CCDC85A: variants seen among roughly 807,000 people sequenced by gnomAD.
CCDC85A encodes the protein coiled-coil domain-containing protein 85A.
In CCDC85A, 38 loss-of-function variants were observed where a neutral mutation model predicts 50.2. That is an observed-to-expected ratio of 0.76 (90% CI 0.58 to 0.99). The LOEUF (loss-of-function observed/expected upper bound fraction) is 0.99. CCDC85A is among the 50% of genes least tolerant of loss of function. CCDC85A has a pLI of 0.00. For synonymous variants in CCDC85A, 366 were observed against 301.4 expected (o/e 1.21, Z -2.22); for missense variants, 820 against 742.0 (o/e 1.11, Z -1.22).
intron 2 of CCDC85A, among the ~76,000 whole-genome samples, chr2:56,204,925 C>CTA (rs1371407529): frequency 6.6e-6 from 1 of 152,164 alleles, no homozygotes; most frequent in African/African-American, 2.4e-5. Flanking sequence ...GCTAAACAGG[C>CTA]TATAGTAGAG....
intron 2 of CCDC85A, among the ~76,000 whole-genome samples, chr2:56,194,826 C>T (rs1052207348): frequency 6.6e-6 from 1 of 152,180 alleles, no homozygotes; most frequent in African/African-American, 2.4e-5. Flanking sequence ...GTTGAACCTT[C>T]ACTCACTCTT....
chr2:56,206,403 A>G (rs1161287229), intron 2 of CCDC85A, among the ~76,000 whole-genome samples: 2 of 152,104 alleles, frequency 1.3e-5, no homozygotes, highest in African/African-American at 4.8e-5. Flanking sequence ...CACAGACTGG[A>G]TAATTAATAA....
Position 56,384,251 on chromosome 2 carries a change from C to G in CCDC85A, c.1573-15C>G, listed in dbSNP as rs1676727266. 2 of 1,217,718 alleles carry G rather than the reference C, an allele frequency of 1.6e-6. No homozygotes were observed. Among genetic ancestry groups the G allele is most frequent in the Middle Eastern group, 2.0e-4 (1 of 4,940 alleles). The allele number at this position is 1,217,718 out of a possible 1,614,324, so 75.4% of individuals were successfully genotyped here. A position where few individuals can be genotyped will look rare whatever the true frequency, so the allele number is the denominator to read the frequency against. On this transcript the variant is annotated splice_polypyrimidine_tract_variant and intron_variant, in intron 5 of 5. Coordinates refer to ENST00000407595, the MANE Select transcript of CCDC85A (RefSeq NM_001080433.2). ...AGGAAAAGTAAGATACTCACTCCTT[C>G]TTTTTTTTTTTAAGGTTGTGTGGAG...
rs1675903413 is a variant in CCDC85A at position 56,184,463 on chromosome 2, AC to A, written c.-159del. The A allele has an allele frequency of 1.3e-5, 10 of 762,982 alleles. No homozygotes were observed. The highest frequency in any genetic ancestry group is 1.6e-5 in the Non-Finnish European group (9 of 568,790). 47.3% of individuals were successfully genotyped at this position (762,982 alleles called of 1,614,324 possible). On this transcript the variant is annotated 5_prime_UTR_variant, in exon 1 of 6. The change abolishes the stop of an existing upstream ORF in the 5' untranslated region. Transcript: ENST00000407595. ...GCGGGGATGGCGAGGTAGGATGGCC[AC>A]CCAGCGCGACCCCCGCCGCCCCAAC...
chr2:56,347,201 C>T (rs999048971), intron 3 of CCDC85A, among the ~76,000 whole-genome samples: 1 of 152,180 alleles, frequency 6.6e-6, no homozygotes, highest in African/African-American at 2.4e-5. Context: ...TTATGTGTCA[C>T]ATAGGACAAC....
intron 2 of CCDC85A, among the ~76,000 whole-genome samples, chr2:56,208,318 A>T (rs1233952180): frequency 6.6e-6 from 1 of 152,172 alleles, no homozygotes; most frequent in East Asian, 1.9e-4. Flanking sequence ...TTTTATCCAT[A>T]CAATGAAGTT....
intron 4 of CCDC85A, among the ~76,000 whole-genome samples, chr2:56,372,782 C>G (rs1030521081): frequency 1.3e-5 from 2 of 152,172 alleles, no homozygotes; most frequent in African/African-American, 4.8e-5. Context: ...AATCATGTCT[C>G]TAGACAAGCT....
chr2:56,298,091 G>A (rs1672037295), intron 2 of CCDC85A, among the ~76,000 whole-genome samples: 1 of 152,174 alleles, frequency 6.6e-6, no homozygotes, highest in South Asian at 2.1e-4. Context: ...AACCTCCTGG[G>A]GTTGATGTTA....
intron 4 of CCDC85A, among the ~76,000 whole-genome samples, chr2:56,373,231 A>G (rs2104392978): frequency 6.6e-6 from 1 of 152,244 alleles, no homozygotes; most frequent in Middle Eastern, 3.4e-3. Flanking sequence ...ATAAGCCTTG[A>G]TCTTTCTGGT....
intron 2 of CCDC85A, among the ~76,000 whole-genome samples, chr2:56,203,707 T>C (rs1676840164): frequency 6.6e-6 from 1 of 152,188 alleles, no homozygotes; most frequent in Non-Finnish European, 1.5e-5. Context: ...GTTAAGGTAA[T>C]ATGTGGTTAC....
At chr2:56,272,952 A>G (rs1670762148) in intron 2 of CCDC85A, among the ~76,000 whole-genome samples, 1 of 152,128 alleles carries the variant, frequency 6.6e-6, no homozygotes, top group African/African-American at 2.4e-5. Flanking sequence ...AAAGAAAAAG[A>G]GAGAGGAAGT....
chr2:56,228,673 C>T (rs1156272283), intron 2 of CCDC85A, among the ~76,000 whole-genome samples: 3 of 152,100 alleles, frequency 2.0e-5, no homozygotes, highest in African/African-American at 7.2e-5. Flanking sequence ...GCTGGGACTA[C>T]AGGGGCCCAC....
chr2:56,339,256 C>A (rs1363134067), intron 2 of CCDC85A, among the ~76,000 whole-genome samples: 1 of 151,956 alleles, frequency 6.6e-6, no homozygotes, highest in Non-Finnish European at 1.5e-5. Flanking sequence ...TTCATTATTT[C>A]ACCTGTTTAA....
chr2:56,372,248 G>A, intron 3 of CCDC85A, 96 bp from the exon 4 acceptor site: 1 of 1,261,820 alleles, frequency 7.9e-7, no homozygotes, highest in Non-Finnish European at 1.0e-6. Context: ...TGGTCATTGT[G>A]GTTCATCTCA....
intron 3 of CCDC85A, among the ~76,000 whole-genome samples, chr2:56,368,875 G>A (rs970024290): frequency 6.6e-6 from 1 of 151,780 alleles, no homozygotes; most frequent in Non-Finnish European, 1.5e-5. Flanking sequence ...AAGAAACTCA[G>A]TATATTTGTT....
intron 3 of CCDC85A, among the ~76,000 whole-genome samples, chr2:56,363,633 C>T (rs1274646160): frequency 1.3e-5 from 2 of 152,208 alleles, no homozygotes; most frequent in Non-Finnish European, 2.9e-5. Flanking sequence ...GGGCAGCAAA[C>T]ACCACCTCAC....
intron 2 of CCDC85A, among the ~76,000 whole-genome samples, chr2:56,265,682 C>T (rs1289479432): frequency 6.6e-6 from 1 of 152,124 alleles, no homozygotes; most frequent in African/African-American, 2.4e-5. Context: ...GAAAGCCTTG[C>T]ACACGGTTGG....
intron 2 of CCDC85A, among the ~76,000 whole-genome samples, chr2:56,305,634 G>T (rs570717839): frequency 6.6e-6 from 1 of 152,334 alleles, no homozygotes; most frequent in African/African-American, 2.4e-5. Context: ...GCAGGATTAG[G>T]TTTCAACAAT....
intron 2 of CCDC85A, among the ~76,000 whole-genome samples, chr2:56,317,756 C>G (rs564450123): frequency 6.6e-6 from 1 of 152,130 alleles, no homozygotes; most frequent in South Asian, 2.1e-4. Context: ...ATTTTTTAAA[C>G]TCTAAGTTGT....
Sources: gnomAD v4.1 joint callset for allele counts (sites outside exome capture counted in the v4.1 genomes callset) on GRCh38, gnomAD v4.1.1 for gene constraint, MANE v1.5 for transcripts, NCBI Gene and HGNC (gene_info 2026-07-23, HGNC 2026-07-21) for gene names.